SERINC2: variants seen among roughly 807,000 people sequenced by gnomAD.
The protein encoded by SERINC2 is tumor differentially expressed protein 2.
In SERINC2, 56 loss-of-function variants were observed where a neutral mutation model predicts 54.2. The observed-to-expected ratio is 1.03, with a 90% CI of 0.83 to 1.29. SERINC2 has a LOEUF of 1.29. Among genes scored for constraint, SERINC2 ranks in the 50% most tolerant of loss-of-function variants. The probability of loss-of-function intolerance (pLI) is 0.00; values close to 1 mark genes in which losing one functional copy is unlikely to be tolerated. For synonymous variants in SERINC2, 272 were observed against 253.1 expected, an observed-to-expected ratio of 1.07 and a Z score of -0.71; for missense variants, 614 against 607.4, an observed-to-expected ratio of 1.01 and a Z score of -0.12.
intron 2 of SERINC2, 84 bp downstream of exon 2, chr1:31,423,938 G>A (rs567896440): frequency 1.5e-6 from 2 of 1,340,330 alleles, no homozygotes; most frequent in African/African-American, 1.4e-5. Flanking sequence ...TGGGGTCACA[G>A]CTTATCCAGA....
intron 1 of SERINC2, chr1:31,414,777 G>A (rs968578987): frequency 4.1e-6 from 4 of 985,504 alleles, no homozygotes; most frequent in Non-Finnish European, 4.8e-6. Context: ...GGTTGCACCT[G>A]GTGAGGCACA....
In SERINC2 at chr1:31,415,562, A is replaced by C. The variant is rs530789814; in HGVS notation, c.39+2258A>C. On this transcript the variant is annotated intron_variant, in intron 1 of 9. Coordinates refer to ENST00000373709, the MANE Select transcript of SERINC2 (RefSeq NM_178865.5). ...GCAGTATGTGTATGTGTGTGTATATATATATCTCCTTCCATTTAATCCTCA... is the reference window on the plus strand; with the variant it reads ...GCAGTATGTGTATGTGTGTGTATATCTATATCTCCTTCCATTTAATCCTCA... 1.0e-3 allele frequency among the ~76,000 whole-genome samples: 152 copies of C among 152,290 alleles called. 1 individual carries two copies. Among genetic ancestry groups the C allele is most frequent in the African/African-American group, 3.2e-3 (131 of 41,556 alleles).
chr1:31,417,925 C>A (rs923310631), intron 1 of SERINC2, among the ~76,000 whole-genome samples: 1 of 131,056 alleles, frequency 7.6e-6, no homozygotes, highest in African/African-American at 2.9e-5. Context: ...GGCACAATCT[C>A]GGCTCATTGC....
intron 8 of SERINC2, among the ~76,000 whole-genome samples, chr1:31,431,796 T>TAGGGTGGACAGGGTGGACAGGGTGGAC (rs1557499816): frequency 3.7e-4 from 4 of 10,924 alleles, no homozygotes; most frequent in Admixed American, 1.1e-3. Flanking sequence ...ATAGGGTGGA[T>TAGGGTGGACAGGGTGGACAGGGTGGAC]AGGGTGGACA....
In SERINC2 at chr1:31,432,737, C is replaced by G. The variant is rs567529832; in HGVS notation, c.1014-230C>G. Among the ~76,000 whole-genome samples, 139 of 152,068 alleles carry G rather than the reference C, an allele frequency of 9.1e-4. 1 individual carries two copies. The highest frequency in any genetic ancestry group is 1.8e-3 in the Non-Finnish European group (120 of 68,034). ...GCCCTCTAGAGGAGGTACGATTATC[C>G]CTTATTTTACAGACAAGGAATCAGA... On this transcript the variant is annotated intron_variant, in intron 8 of 9. Coordinates refer to ENST00000373709, the MANE Select transcript of SERINC2 (RefSeq NM_178865.5).
intron 5 of SERINC2, 64 bp from the exon 6 acceptor site, chr1:31,426,590 A>C: frequency 8.0e-6 from 11 of 1,370,186 alleles, no homozygotes; most frequent in Non-Finnish European, 1.0e-5. Context: ...CCCTCGAGGG[A>C]GTAGGGATCC....
chr1:31,428,476 G>A (rs945484432), intron 6 of SERINC2, among the ~76,000 whole-genome samples: 1 of 152,228 alleles, frequency 6.6e-6, no homozygotes, highest in Non-Finnish European at 1.5e-5. Context: ...ACATGAAAGA[G>A]GGTGTGGGCT....
chr1:31,423,630 T>C, intron 1 of SERINC2, 63 bp from the exon 2 acceptor site: 6 of 1,539,136 alleles, frequency 3.9e-6, no homozygotes, highest in Non-Finnish European at 5.3e-6. Context: ...TCTGGGCAGG[T>C]GGTGAGAGGT....
rs1640695962 is a variant in SERINC2, at chr1:31,413,467, C to T, written c.39+163C>T. Among the ~76,000 whole-genome samples, 1 of 152,098 alleles carries T rather than the reference C, an allele frequency of 6.6e-6. No homozygotes were observed. ...CTCGCCCTCCTGGACCTTCACTCGGCACCCGGATCCCGCTGCCCCCGTCCC... is the reference window on the plus strand; with the variant it reads ...CTCGCCCTCCTGGACCTTCACTCGGTACCCGGATCCCGCTGCCCCCGTCCC... On this transcript the variant is annotated intron_variant, in intron 1 of 9. Transcript: ENST00000373709. The surrounding 1 kb of genome is among the most constrained non-coding windows in gnomAD (Gnocchi z 5.0).
intron 8 of SERINC2, among the ~76,000 whole-genome samples, chr1:31,432,071 TGGA>T (rs1641275081): frequency 3.1e-5 from 4 of 130,808 alleles, no homozygotes; most frequent in South Asian, 2.6e-4. Flanking sequence ...GTGGACAGGG[TGGA>T]CAGGGTGGTT....
At chr1:31,431,785 G>GTTAGGGTGGAGAGGGTGGAGAGGGTGA (rs1557499730) in intron 8 of SERINC2, among the ~76,000 whole-genome samples, 1 of 140,400 alleles carries the variant, frequency 7.1e-6, no homozygotes, top group Non-Finnish European at 1.6e-5. Flanking sequence ...GAATAGGGTG[G>GTTAGGGTGGAGAGGGTGGAGAGGGTGA]ATAGGGTGGA....
intron 1 of SERINC2, chr1:31,415,956 G>C: frequency 1.0e-6 from 1 of 974,966 alleles, no homozygotes; most frequent in Non-Finnish European, 1.2e-6. Context: ...CAGGGGATGG[G>C]GCCACCAGGC....
In SERINC2 at chr1:31,424,864, T is replaced by G. The variant is rs1553133315; in HGVS notation, c.383T>G (p.Ile128Ser). ...VSSSRDPRAA[I>S]QNGFWFFKFL... ...AGCAGCCGGGACCCCCGGGCTGCCA[T>G]CCAGAATGGGTGAGAGAGGGGTCCC... Residue 128 changes from isoleucine to serine, a missense_variant, in exon 3 of 10, where the codon ATC becomes AGC. Coordinates refer to ENST00000373709, the MANE Select transcript of SERINC2 (RefSeq NM_178865.5). 1 of 1,611,064 alleles carries G rather than the reference T, an allele frequency of 6.2e-7. No homozygotes were observed. The highest frequency in any genetic ancestry group is 8.5e-7 in the Non-Finnish European group (1 of 1,179,238).
chr1:31,424,065 CT>C (rs1553133158), intron 2 of SERINC2, among the ~76,000 whole-genome samples: 3 of 152,130 alleles, frequency 2.0e-5, no homozygotes, highest in African/African-American at 7.2e-5. Flanking sequence ...CTTGGAAAAT[CT>C]TATTAATCAT....
intron 8 of SERINC2, among the ~76,000 whole-genome samples, chr1:31,432,147 C>T (rs76686347): frequency 0.18 from 801 of 4,562 alleles, 66 homozygotes; most frequent in East Asian, 0.21. Flanking sequence ...ACAGGGTGGA[C>T]AGGGTGGACA....
intron 1 of SERINC2, chr1:31,414,552 A>G (rs1640738150): frequency 1.0e-6 from 1 of 988,450 alleles, no homozygotes; most frequent in Non-Finnish European, 1.2e-6. Context: ...CAGCATAGAC[A>G]GCACAGAGAG....
upstream of SERINC2, chr1:31,410,469 G>T: frequency 1.3e-6 from 2 of 1,549,120 alleles, no homozygotes; most frequent in South Asian, 1.2e-5. Context: ...GCGTGTGAGA[G>T]CCCAGCCGGC....
intron 2 of SERINC2, 98 bp downstream of exon 2, chr1:31,423,952 G>C: frequency 4.2e-6 from 5 of 1,197,430 alleles, no homozygotes; most frequent in Non-Finnish European, 6.0e-6. Context: ...ATCCAGAAGA[G>C]GAGGCAGGGT....
intron 8 of SERINC2, among the ~76,000 whole-genome samples, chr1:31,432,231 G>GGTGGA (rs1641318155): frequency 2.0e-5 from 3 of 151,242 alleles, no homozygotes; most frequent in South Asian, 2.1e-4. Context: ...GGGTGGATAG[G>GGTGGA]GACCCACTGA....
Sources: allele counts gnomAD v4.1 joint callset (sites outside exome capture counted in the v4.1 genomes callset), GRCh38; gene constraint gnomAD v4.1.1; non-coding constraint Gnocchi (gnomAD v3.1); transcripts MANE v1.5; gene names NCBI Gene and HGNC (gene_info 2026-07-23, HGNC 2026-07-21).